Variants in UGT1A6 observed in about 807,000 individuals in gnomAD.
UGT1A6 encodes UDP glucuronosyltransferase family 1 member A6.
Under a neutral mutation model 44.4 loss-of-function variants are expected in UGT1A6, and 32 were observed. That is an observed-to-expected ratio of 0.72 (90% CI 0.54 to 0.97). The LOEUF is 0.97. Among genes scored for constraint, UGT1A6 ranks in the 50% least tolerant of loss-of-function variants. UGT1A6 has a pLI of 0.00. For synonymous variants in UGT1A6, 238 were observed against 248.5 expected (o/e 0.96, Z 0.40); for missense variants, 685 against 661.9 (o/e 1.03, Z -0.38).
chr2:233,748,077 C>T, intron 1 of UGT1A6: 1 of 1,613,256 alleles, frequency 6.2e-7, no homozygotes, highest in Non-Finnish European at 8.5e-7. Flanking sequence ...GCCACTATCT[C>T]AGGTCGGTGT....
intron 1 of UGT1A6, chr2:233,743,204 C>A (rs187896113): frequency 1.0e-4 from 39 of 388,848 alleles, no homozygotes; most frequent in Non-Finnish European, 1.8e-4. Flanking sequence ...GGTGTCAATG[C>A]GGAGTAACTG....
At chr2:233,709,625 TGTGA>T (rs2076085434) in intron 1 of UGT1A6, among the ~76,000 whole-genome samples, 1 of 152,234 alleles carries the variant, frequency 6.6e-6, no homozygotes, top group African/African-American at 2.4e-5. Flanking sequence ...GGTGTTTTGC[TGTGA>T]GTGTTTCTTG....
chr2:233,695,081 C>T (rs188923779), intron 1 of UGT1A6, among the ~76,000 whole-genome samples: 1 of 151,880 alleles, frequency 6.6e-6, no homozygotes, highest in Non-Finnish European at 1.5e-5. Context: ...TGGACTTACT[C>T]ATTCTATCTA....
At chr2:233,706,081 C>A (rs1426237626) in intron 1 of UGT1A6, among the ~76,000 whole-genome samples, 2 of 151,228 alleles carry the variant, frequency 1.3e-5, no homozygotes, top group Non-Finnish European at 2.9e-5. Flanking sequence ...GGTGACAGAG[C>A]TAGATTCTGT....
intron 1 of UGT1A6, among the ~76,000 whole-genome samples, chr2:233,749,150 C>G (rs1694128023): frequency 6.6e-6 from 1 of 151,782 alleles, no homozygotes; most frequent in Non-Finnish European, 1.5e-5. Flanking sequence ...ACTTCCATGA[C>G]TTGATCCTTT....
At chr2:233,734,492 T>A (rs983580734) in intron 1 of UGT1A6, among the ~76,000 whole-genome samples, 3 of 151,188 alleles carry the variant, frequency 2.0e-5, no homozygotes, top group Non-Finnish European at 4.5e-5. Flanking sequence ...TTTTTGAAGG[T>A]TTTTTTGTGT....
At position 233,711,263 on chromosome 2, in the gene UGT1A6, C is replaced by G. The variant is rs570843140; in HGVS notation, c.861+17398C>G. 3.9e-5 allele frequency among the ~76,000 whole-genome samples: 6 copies of G among 152,310 alleles called. No homozygotes were observed. In the East Asian group the frequency reaches 1.2e-3, roughly 29 times the overall value. On this transcript the variant is annotated intron_variant, in intron 1 of 4. Transcript: ENST00000305139. ...CATCTTCCAAGATACATGGGCCTCC[C>G]CAGGGTCTAGGAGTCCTAGACGTGG... is the stretch of plus-strand genomic sequence containing the variant.
chr2:233,742,047 G>C (rs371861111), intron 1 of UGT1A6: 6 of 152,052 alleles, frequency 3.9e-5, no homozygotes, highest in South Asian at 4.1e-4. Context: ...CATAGCAATA[G>C]GATAGTTCTG....
At chr2:233,729,950 T>C (rs1336852527) in intron 1 of UGT1A6, 2 of 1,613,962 alleles carry the variant, frequency 1.2e-6, no homozygotes, top group Non-Finnish European at 1.7e-6. Context: ...AACATGGTCT[T>C]CATTGGGGGC....
intron 1 of UGT1A6, chr2:233,743,566 G>A (rs532152836): frequency 7.3e-7 from 1 of 1,367,298 alleles, no homozygotes; most frequent in African/African-American, 1.5e-5. Context: ...TCTCCAGCGG[G>A]TTTCCCAAGA....
chr2:233,747,613 A>T, intron 1 of UGT1A6: 1 of 1,574,722 alleles, frequency 6.4e-7, no homozygotes, highest in Non-Finnish European at 8.7e-7. Context: ...CTACTGCATA[A>T]TGAGGCCCTG....
chr2:233,744,158 C>T (rs1163100045), intron 1 of UGT1A6: 5 of 297,370 alleles, frequency 1.7e-5, no homozygotes, highest in Admixed American at 4.5e-5. Context: ...GACCAGGCCC[C>T]GCCCACTCCG....
At chr2:233,763,986 C>T (rs923828078) in intron 1 of UGT1A6, among the ~76,000 whole-genome samples, 3 of 152,116 alleles carry the variant, frequency 2.0e-5, no homozygotes, top group Non-Finnish European at 4.4e-5. Context: ...ACTGGGAATG[C>T]GTGATGGTGA....
intron 1 of UGT1A6, chr2:233,721,911 G>T: frequency 2.3e-6 from 1 of 435,688 alleles, no homozygotes; most frequent in Non-Finnish European, 4.6e-6. Context: ...GGTGCACACT[G>T]CTTCCATAAA....
intron 1 of UGT1A6, among the ~76,000 whole-genome samples, chr2:233,694,304 GT>G (rs35761222): frequency 2.1e-4 from 30 of 145,430 alleles, no homozygotes; most frequent in East Asian, 4.0e-4. Flanking sequence ...CCTGTTTTTT[GT>G]TTTTTTTTTT....
At chr2:233,713,509 T>G (rs775377534) in intron 1 of UGT1A6, 50 of 1,613,866 alleles carry the variant, frequency 3.1e-5, no homozygotes, top group Admixed American at 1.5e-4. Flanking sequence ...GTGTTTTTCT[T>G]GAGGAACATT....
rs138794928 is a variant in UGT1A6, at chr2:233,747,227, C to T, written c.862-19807C>T. 1.0e-2 allele frequency: 16,041 copies of T among 1,605,006 alleles called. 99 individuals are homozygous for T. The highest frequency in any genetic ancestry group is 0.012 in the Non-Finnish European group (14,233 of 1,175,294). On this transcript the variant is annotated intron_variant, in intron 1 of 4. Transcript: ENST00000305139. ...TCTTCTGCTGAGATGGCCACAGGACCCCAGGTTCCCCTGCTGTGGCTGGCC... is the reference window on the plus strand; with the variant it reads ...TCTTCTGCTGAGATGGCCACAGGACTCCAGGTTCCCCTGCTGTGGCTGGCC...
rs555999540 is a variant in UGT1A6 at position 233,720,422 on chromosome 2, G to T, written c.861+26557G>T. 1.8e-4 allele frequency among the ~76,000 whole-genome samples: 28 copies of T among 152,172 alleles called. 1 individual carries two copies. The Middle Eastern group carries it at 0.027, about 148-fold the overall frequency. On this transcript the variant is annotated intron_variant, in intron 1 of 4. Coordinates refer to ENST00000305139, the MANE Select transcript of UGT1A6 (RefSeq NM_001072.4). ...AGTGGGTGGAAGGGACTAGGGAGGA[G>T]ATAAGACCGTGAATCTATAAGCCCA...
At chr2:233,705,607 A>G (rs28898586) in intron 1 of UGT1A6, among the ~76,000 whole-genome samples, 1,928 of 152,348 alleles carry the variant, frequency 0.013, 41 homozygotes, top group African/African-American at 0.043. Context: ...GGCTCTGAAG[A>G]GAGAAGAAAC....
Sources: allele counts gnomAD v4.1 joint callset (sites outside exome capture counted in the v4.1 genomes callset), GRCh38; gene constraint gnomAD v4.1.1; transcripts MANE v1.5; gene names NCBI Gene and HGNC (gene_info 2026-07-23, HGNC 2026-07-21).